GRIN2A: variants seen among roughly 807,000 people sequenced by gnomAD.
The protein encoded by GRIN2A is glutamate receptor ionotropic, NMDA 2A.
A neutral mutation model predicts 113.4 loss-of-function variants in GRIN2A; 22 were observed. The observed-to-expected ratio is 0.19, with a 90% CI of 0.14 to 0.28. The LOEUF (loss-of-function observed/expected upper bound fraction) is 0.28, where lower values mean the gene tolerates loss of function less well. GRIN2A is among the 10% of genes least tolerant of loss of function. The probability of loss-of-function intolerance (pLI) is 1.00; values close to 1 mark genes in which losing one functional copy is unlikely to be tolerated. For synonymous variants in GRIN2A, 827 were observed against 738.4 expected, an observed-to-expected ratio of 1.12 and a Z score of -1.94; for missense variants, 1,502 against 1,887.0, an observed-to-expected ratio of 0.80 and a Z score of 3.78.
intron 2 of GRIN2A, among the ~76,000 whole-genome samples, chr16:9,939,371 G>A (rs576465442): frequency 6.6e-6 from 1 of 152,178 alleles, no homozygotes; most frequent in African/African-American, 2.4e-5. Flanking sequence ...ACGATACGAT[G>A]TTGAAGAGCT....
intron 2 of GRIN2A, among the ~76,000 whole-genome samples, chr16:10,039,106 C>G (rs12448791): frequency 3.9e-5 from 6 of 151,934 alleles, no homozygotes; most frequent in African/African-American, 1.4e-4. Flanking sequence ...AGTGCCCGCC[C>G]GGCAGGGAGC....
At chr16:9,969,136 C>T (rs1316488275) in intron 2 of GRIN2A, among the ~76,000 whole-genome samples, 1 of 152,100 alleles carries the variant, frequency 6.6e-6, no homozygotes, top group Non-Finnish European at 1.5e-5. Flanking sequence ...TCAGTAGACA[C>T]AGGGAGTCAA....
At chr16:9,852,795 T>C (rs2141376270) in intron 4 of GRIN2A, among the ~76,000 whole-genome samples, 1 of 152,316 alleles carries the variant, frequency 6.6e-6, no homozygotes. Context: ...ATATTCCTAT[T>C]TACAAGGGAC....
chr16:9,828,123 T>C (rs993339356), intron 9 of GRIN2A, among the ~76,000 whole-genome samples: 17 of 151,986 alleles, frequency 1.1e-4, no homozygotes, highest in African/African-American at 2.9e-4. Context: ...CATGAGAAGA[T>C]TGGGGAAGAA....
rs1158038578 is a variant in GRIN2A, at chr16:9,758,565, T to C, written c.*4584A>G. 2 of 209,320 alleles carry C rather than the reference T, an allele frequency of 9.6e-6. No individual in the cohort carries two copies. Among genetic ancestry groups the C allele is most frequent in the African/African-American group, 2.3e-5 (1 of 44,110 alleles). The allele number at this position is 209,320 out of a possible 1,614,324, so 13.0% of individuals were successfully genotyped here. On this transcript the variant is annotated 3_prime_UTR_variant, in exon 13 of 13. Transcript: ENST00000330684. ...AATTTTTAACATAAACTTTACAATATGTACAATTTTATTTGGATAATACAC... is the reference window on the plus strand; with the variant it reads ...AATTTTTAACATAAACTTTACAATACGTACAATTTTATTTGGATAATACAC...
rs537545103 is a variant in GRIN2A, at chr16:10,111,406, G to A, written c.414+68592C>T. ...CATGGCGAACCATCTGATCAGTGGC[G>A]GCACCGGCTACGTGCCCCAGGACTG... On this transcript the variant is annotated intron_variant, in intron 2 of 12. Transcript: ENST00000330684. The A allele has an allele frequency of 6.0e-4, 309 of 511,958 alleles. No individual in the cohort carries two copies. In the East Asian group the frequency reaches 0.01, roughly 17 times the overall value. The allele number at this position is 511,958 out of a possible 1,614,324, so 31.7% of individuals were successfully genotyped here. A position where few individuals can be genotyped will look rare whatever the true frequency, so the allele number is the denominator to read the frequency against.
At chr16:10,156,744 AT>A (rs781128130) in intron 2 of GRIN2A, among the ~76,000 whole-genome samples, 27 of 152,196 alleles carry the variant, frequency 1.8e-4, no homozygotes, top group South Asian at 8.3e-4. Flanking sequence ...GGGACTAACA[AT>A]GACATGTTTC....
intron 3 of GRIN2A, among the ~76,000 whole-genome samples, chr16:9,901,719 G>A (rs1387907959): frequency 6.6e-6 from 1 of 152,174 alleles, no homozygotes; most frequent in Non-Finnish European, 1.5e-5. Context: ...CCAAAGTGCT[G>A]GGATTACAGG....
intron 2 of GRIN2A, among the ~76,000 whole-genome samples, chr16:10,150,864 G>A (rs543383961): frequency 6.6e-6 from 1 of 152,234 alleles, no homozygotes; most frequent in East Asian, 1.9e-4. Context: ...TTCTCTGAAA[G>A]GTAAACTTCC....
intron 2 of GRIN2A, among the ~76,000 whole-genome samples, chr16:10,140,022 T>G (rs932420463): frequency 6.6e-6 from 1 of 152,132 alleles, no homozygotes; most frequent in Non-Finnish European, 1.5e-5. Context: ...CTGCTGAACA[T>G]TTCATAAGGC....
At chr16:9,936,822 G>A (rs552858650) in intron 3 of GRIN2A, among the ~76,000 whole-genome samples, 2 of 152,288 alleles carry the variant, frequency 1.3e-5, no homozygotes, top group South Asian at 2.1e-4. Context: ...ACTAGTGTGG[G>A]AAGTTTCCCC....
intron 2 of GRIN2A, among the ~76,000 whole-genome samples, chr16:10,050,778 C>A (rs771064597): frequency 6.6e-6 from 1 of 152,030 alleles, no homozygotes; most frequent in Admixed American, 6.6e-5. Flanking sequence ...GTCCCTGGTG[C>A]CAAAAAGATT....
intron 2 of GRIN2A, among the ~76,000 whole-genome samples, chr16:10,079,789 A>T (rs1318098668): frequency 2.0e-5 from 3 of 152,222 alleles, no homozygotes; most frequent in African/African-American, 7.2e-5. Context: ...CAGCCCAAAC[A>T]GACTAAGAAA....
chr16:10,091,426 T>A (rs1328521012), intron 2 of GRIN2A, among the ~76,000 whole-genome samples: 2 of 151,202 alleles, frequency 1.3e-5, no homozygotes, highest in African/African-American at 4.9e-5. Context: ...GGAAACCCCA[T>A]CTCTACCAAA....
chr16:9,832,670 G>A (rs1343400585), intron 8 of GRIN2A, among the ~76,000 whole-genome samples: 1 of 152,152 alleles, frequency 6.6e-6, no homozygotes, highest in Non-Finnish European at 1.5e-5. Flanking sequence ...CACAAGCCCT[G>A]ATTATGCAAA....
intron 12 of GRIN2A, among the ~76,000 whole-genome samples, chr16:9,765,776 G>A (rs1017460779): frequency 2.0e-4 from 31 of 152,168 alleles, no homozygotes; most frequent in African/African-American, 7.5e-4. Context: ...ATTCAATGTA[G>A]TTAGAACTGG....
chr16:9,782,314 C>T (rs764103808), intron 11 of GRIN2A, among the ~76,000 whole-genome samples: 1 of 152,070 alleles, frequency 6.6e-6, no homozygotes, highest in African/African-American at 2.4e-5. Context: ...ATAAGATGTG[C>T]ATAGATTATA....
chr16:10,153,370 C>G (rs1244837278), intron 2 of GRIN2A, among the ~76,000 whole-genome samples: 1 of 152,146 alleles, frequency 6.6e-6, no homozygotes, highest in Non-Finnish European at 1.5e-5. Context: ...CAGGCAGTAT[C>G]TAGGTGCTGG....
At position 9,764,645 on chromosome 16, in the gene GRIN2A, C is replaced by G. The variant is rs61731465; in HGVS notation, c.2899G>C (p.Val967Leu). 11,798 of 1,614,128 alleles carry G rather than the reference C, an allele frequency of 7.3e-3. 63 individuals carry two copies. The highest frequency in any genetic ancestry group is 8.5e-3 in the Non-Finnish European group (10,008 of 1,179,998). Residue 967 changes from valine (V) to leucine (L), a missense_variant, in exon 13 of 13, where the codon GTG (valine) becomes CTG (leucine). This residue lies in a region of GRIN2A where 832 missense variants were observed against 789.7 expected (regional missense o/e 1.05). Coordinates refer to ENST00000330684, the MANE Select transcript of GRIN2A (RefSeq NM_001134407.3). The stretch of plus-strand genomic sequence containing the variant: ...AGGTTATCCTTCTGCCGGTTGGCCA[C>G]AAATGTTTGGAGTTCGTTCATGTTG... Reference protein sequence around the residue: ...GDNMNELQTFVANRQKDNLNN... With the variant: ...GDNMNELQTFLANRQKDNLNN...
Sources: gnomAD v4.1 joint callset for allele counts (sites outside exome capture counted in the v4.1 genomes callset) on GRCh38, gnomAD v4.1.1 for gene constraint, gnomAD v4.1.1 regional missense constraint, MANE v1.5 for transcripts, NCBI Gene and HGNC (gene_info 2026-07-23, HGNC 2026-07-21) for gene names.